Variants in PSME4 observed in about 807,000 individuals in gnomAD.
PSME4 encodes proteasome activator complex subunit 4.
PSME4 carries 89 observed loss-of-function variants against 253.9 expected under a neutral mutation model. The ratio of observed to expected loss-of-function variants is 0.35; its 90% confidence interval spans 0.30 to 0.42. The LOEUF (loss-of-function observed/expected upper bound fraction) is 0.42, where lower values mean the gene tolerates loss of function less well. Ranked by LOEUF, PSME4 falls within the 10% of genes least tolerant of loss-of-function variation. PSME4 has a pLI of 1.00. For missense variants in PSME4, 2,014 were observed against 2,195.2 expected (o/e 0.92, Z 1.65); for synonymous variants, 851 against 759.2 (o/e 1.12, Z -1.99).
At position 53,940,854 on chromosome 2, in the gene PSME4, T is replaced by TATATATAATACATATTTAA. The variant is rs1182456567; in HGVS notation, c.501-855_501-854insTTAAATATGTATTATATAT. Among the ~76,000 whole-genome samples, 456 of 94,244 alleles carry TATATATAATACATATTTAA rather than the reference T, an allele frequency of 4.8e-3. 3 individuals are homozygous for TATATATAATACATATTTAA. Among genetic ancestry groups the TATATATAATACATATTTAA allele is most frequent in the South Asian group, 9.5e-3 (22 of 2,312 alleles). The allele number at this position is 94,244 out of a possible 152,430, so 61.8% of individuals were successfully genotyped here. On this transcript the variant is annotated intron_variant, in intron 3 of 46. Transcript: ENST00000404125. ...ATTCCCCAAATCTCAAAAAAATTTA[T>TATATATAATACATATTTAA]ATATATATAATATATATTTAAATAT...
chr2:53,896,118 T>C (rs1680125793), intron 32 of PSME4, among the ~76,000 whole-genome samples: 1 of 152,160 alleles, frequency 6.6e-6, no homozygotes, highest in South Asian at 2.1e-4. Context: ...CATGCATACT[T>C]TGATATTCTC....
intron 27 of PSME4, among the ~76,000 whole-genome samples, chr2:53,903,762 A>T (rs981210498): frequency 2.6e-5 from 4 of 152,236 alleles, no homozygotes; most frequent in Non-Finnish European, 5.9e-5. Flanking sequence ...GATCACAAAC[A>T]GAGGTAAATA....
chr2:53,895,985 T>C (rs1182127227), intron 32 of PSME4, among the ~76,000 whole-genome samples: 1 of 152,182 alleles, frequency 6.6e-6, no homozygotes, highest in Non-Finnish European at 1.5e-5. Context: ...TTCATTCCTT[T>C]TACCAAAATT....
At position 53,931,832 on chromosome 2, in the gene PSME4, T is replaced by G. The variant is rs111334093; in HGVS notation, c.1316+3A>C. 6.2e-7 allele frequency: 1 copy of G among 1,613,794 alleles called. No homozygotes were observed. Among genetic ancestry groups the G allele is most frequent in the East Asian group, 2.2e-5 (1 of 44,862 alleles). On this transcript the variant is annotated splice_donor_region_variant and intron_variant, in intron 10 of 46. Coordinates refer to ENST00000404125, the MANE Select transcript of PSME4 (RefSeq NM_014614.3). The stretch of plus-strand genomic sequence containing the variant: ...GTGGCTGAGACTCCCACTAACCACT[T>G]ACCTTTCAAGTACAGGGGGTATTAC...
chr2:53,901,575 T>C lies in PSME4; in HGVS notation c.3076-16A>G, dbSNP rs780115046. 1.1e-5 allele frequency: 17 copies of C among 1,541,988 alleles called. No homozygotes were observed. Among genetic ancestry groups the C allele is most frequent in the Admixed American group, 1.7e-5 (1 of 58,184 alleles). ...ACAAGGCACCCTGCAGAAAAAAAAATATATATATGTTTACATGGGAAATAA... is the reference window on the plus strand; with the variant it reads ...ACAAGGCACCCTGCAGAAAAAAAAACATATATATGTTTACATGGGAAATAA... On this transcript the variant is annotated splice_polypyrimidine_tract_variant and intron_variant, in intron 27 of 46. Coordinates refer to ENST00000404125, the MANE Select transcript of PSME4 (RefSeq NM_014614.3).
At chr2:53,935,978 C>G in intron 7 of PSME4, 109 bp downstream of exon 7, 2 of 1,423,592 alleles carry the variant, frequency 1.4e-6, no homozygotes, top group Non-Finnish European at 1.9e-6. Context: ...ACTGCAACCT[C>G]AGCCTCCTGG....
At chr2:53,887,118 A>G in intron 40 of PSME4, 141 bp downstream of exon 40, 3 of 699,658 alleles carry the variant, frequency 4.3e-6, no homozygotes, top group Non-Finnish European at 7.2e-6. Context: ...AATGCCACTG[A>G]ACTGTACACT....
chr2:53,899,584 G>A (rs960235150), intron 29 of PSME4, among the ~76,000 whole-genome samples: 19 of 151,820 alleles, frequency 1.3e-4, no homozygotes, highest in African/African-American at 1.2e-4. Flanking sequence ...TTGGGAGCCC[G>A]AGGTGGGCAG....
intron 1 of PSME4, among the ~76,000 whole-genome samples, chr2:53,965,246 AT>A (rs35223836): frequency 0.29 from 41,057 of 141,310 alleles, 5,195 homozygotes; most frequent in South Asian, 0.45. Context: ...AGGCCAAGTG[AT>A]TTTTTTTTTT....
intron 1 of PSME4, among the ~76,000 whole-genome samples, chr2:53,960,975 C>T (rs1048988050): frequency 3.3e-5 from 5 of 152,058 alleles, no homozygotes; most frequent in East Asian, 1.9e-4. Flanking sequence ...GGCATGGTGG[C>T]GCATGCCTGT....
At chr2:53,937,254 T>C in intron 5 of PSME4, 137 bp downstream of exon 5, 1 of 829,034 alleles carries the variant, frequency 1.2e-6, no homozygotes, top group Non-Finnish European at 1.8e-6. Context: ...CTTAACACAC[T>C]TCAAGTATAA....
At chr2:53,967,681 T>TAAAAAAAAAAAAAAAA (rs1670810438) in intron 1 of PSME4, among the ~76,000 whole-genome samples, 1 of 39,920 alleles carries the variant, frequency 2.5e-5, no homozygotes, top group Non-Finnish European at 5.3e-5. Flanking sequence ...AAAAAAAAAG[T>TAAAAAAAAAAAAAAAA]CAAAAAGAGG....
intron 43 of PSME4, among the ~76,000 whole-genome samples, chr2:53,871,786 G>A (rs1332145699): frequency 6.6e-6 from 1 of 152,020 alleles, no homozygotes; most frequent in Non-Finnish European, 1.5e-5. Flanking sequence ...GGCCCAGGCG[G>A]GTGGATCACC....
intron 1 of PSME4, among the ~76,000 whole-genome samples, chr2:53,951,227 C>T (rs1263044655): frequency 2.0e-5 from 3 of 152,080 alleles, no homozygotes; most frequent in South Asian, 2.1e-4. Context: ...GGATTACAGG[C>T]GCCCAACACC....
In PSME4 at chr2:53,864,584, G is replaced by A. The variant is rs912834844; in HGVS notation, c.*994C>T. 5 of 152,604 alleles carry A rather than the reference G, an allele frequency of 3.3e-5. No homozygotes were observed. The South Asian group carries it at 1.0e-3, about 32-fold the overall frequency. 9.5% of individuals were successfully genotyped at this position (152,604 alleles called of 1,614,324 possible). ...TTTACAAATTACACAATGATGTTGT[G>A]TAAAAGGTTGCATCTGTACAATGTC... is the stretch of plus-strand genomic sequence containing the variant. On this transcript the variant is annotated 3_prime_UTR_variant, in exon 47 of 47. Transcript: ENST00000404125.
intron 3 of PSME4, among the ~76,000 whole-genome samples, chr2:53,941,278 A>T (rs1477653223): frequency 6.8e-6 from 1 of 147,690 alleles, no homozygotes; most frequent in East Asian, 2.0e-4. Flanking sequence ...ACTAGATTAC[A>T]ACACATGAGA....
At chr2:53,896,110 T>C (rs757147878) in intron 32 of PSME4, among the ~76,000 whole-genome samples, 1 of 152,160 alleles carries the variant, frequency 6.6e-6, no homozygotes, top group Non-Finnish European at 1.5e-5. Flanking sequence ...CATTTTACCA[T>C]GCATACTTTG....
rs778791193 is a variant in PSME4, at chr2:53,921,086, T to C, written c.2065A>G (p.Arg689Gly). 6.2e-7 allele frequency: 1 copy of C among 1,613,692 alleles called. No individual in the cohort carries two copies. Among genetic ancestry groups the C allele is most frequent in the Admixed American group, 1.7e-5 (1 of 59,876 alleles). The change falls in exon 18 of 47, where the codon AGG becomes GGG. Residue 689 changes from arginine (R) to glycine (G), a missense_variant. Arg to Gly is a moderately radical substitution (Grantham distance 125, BLOSUM62 -2). Coordinates refer to ENST00000404125, the MANE Select transcript of PSME4 (RefSeq NM_014614.3). ...LLSEITRVDG[R>G]KLLLYREQLV... is the part of the protein sequence containing the mutation. ...TGCTCCCTATAAAGAAGCAACTTCCTTCCATCCACTCGAGTAATCTAAAAG... is the reference window on the plus strand; with the variant it reads ...TGCTCCCTATAAAGAAGCAACTTCCCTCCATCCACTCGAGTAATCTAAAAG...
chr2:53,875,603 C>T (rs1448225723), intron 42 of PSME4, 24 bp downstream of exon 42: 6 of 1,589,528 alleles, frequency 3.8e-6, no homozygotes, highest in Non-Finnish European at 5.1e-6. Flanking sequence ...AATCAAAAGA[C>T]ATAAATATTA....
Sources: gnomAD v4.1 joint callset for allele counts (sites outside exome capture counted in the v4.1 genomes callset) on GRCh38, gnomAD v4.1.1 for gene constraint, MANE v1.5 for transcripts, NCBI Gene and HGNC (gene_info 2026-07-23, HGNC 2026-07-21) for gene names.